The following TBCB variants were observed in gnomAD, a reference collection of about 807,000 sequenced individuals.
TBCB encodes the protein tubulin-folding cofactor B.
In TBCB, 18 loss-of-function variants were observed where a neutral mutation model predicts 29.2. That is an observed-to-expected ratio of 0.62 (90% CI 0.43 to 0.91). The LOEUF (loss-of-function observed/expected upper bound fraction) is 0.91. TBCB is among the 40% of genes least tolerant of loss of function. The probability of loss-of-function intolerance (pLI) is 0.00; values close to 1 mark genes in which losing one functional copy is unlikely to be tolerated. For synonymous variants in TBCB, 172 were observed against 137.8 expected (o/e 1.25, Z -1.74); for missense variants, 336 against 337.6 (o/e 1.00, Z 0.04).
At chr19:36,116,353 G>A (rs1465873647) in intron 2 of TBCB, 169 bp downstream of exon 2, 4 of 910,944 alleles carry the variant, frequency 4.4e-6, no homozygotes, top group Admixed American at 2.9e-5. Flanking sequence ...GGACAGCCTA[G>A]AGTGGTCTGG....
chr19:36,124,635 C>T (rs1974107952), intron 4 of TBCB, among the ~76,000 whole-genome samples: 1 of 152,126 alleles, frequency 6.6e-6, no homozygotes. Context: ...CCTCCGCCTC[C>T]CGGGTTCAAA....
At chr19:36,116,473 A>G (rs1409323290) in intron 2 of TBCB, 2 of 351,700 alleles carry the variant, frequency 5.7e-6, no homozygotes, top group Non-Finnish European at 1.1e-5. Context: ...GAGCTGAGGG[A>G]TGAGGAAAGG....
chr19:36,115,705 CG>C, intron 1 of TBCB, 31 bp downstream of exon 1: 1 of 247,438 alleles, frequency 4.0e-6, no homozygotes, highest in Non-Finnish European at 6.2e-6. Flanking sequence ...TCCGGAGGGG[CG>C]GGGCGAAGAA....
chr19:36,115,943 G>C, intron 1 of TBCB, 98 bp from the exon 2 acceptor site: 1 of 1,525,084 alleles, frequency 6.6e-7, no homozygotes, highest in East Asian at 2.3e-5. Context: ...GTCCTGACTG[G>C]GGGGTCTTTT....
Position 36,121,643 on chromosome 19 carries a change from T to A in TBCB, c.472T>A (p.Ser158Thr), listed in dbSNP as rs1293710186. ...RLAEEKAQASSIPVGSRCEVR... is the reference protein window; with the variant it reads ...RLAEEKAQASTIPVGSRCEVR... ...GGCCGAGGAGAAGGCCCAGGCCAGC[T>A]CCATCCCCGTGGGCAGCCGCTGTGA... The change falls in exon 4 of 6, where the codon TCC (serine) becomes ACC (threonine). Residue 158 changes from serine to threonine, a missense_variant. Coordinates refer to ENST00000221855, the MANE Select transcript of TBCB (RefSeq NM_001281.3). 9 of 1,559,062 alleles carry A rather than the reference T, an allele frequency of 5.8e-6. No individual in the cohort carries two copies. The East Asian group carries it at 1.9e-4, about 33-fold the overall frequency.
At chr19:36,124,668 CG>C (rs1340817701) in intron 4 of TBCB, among the ~76,000 whole-genome samples, 1 of 152,148 alleles carries the variant, frequency 6.6e-6, no homozygotes, top group African/African-American at 2.4e-5. Flanking sequence ...CTCAGCCTCC[CG>C]AGTAGCTGGA....
intron 4 of TBCB, 63 bp downstream of exon 4, chr19:36,121,781 G>A (rs1210657125): frequency 2.6e-6 from 4 of 1,542,810 alleles, no homozygotes; most frequent in African/African-American, 1.4e-5. Flanking sequence ...AAATGTTGGG[G>A]GCACAGTGGA....
chr19:36,115,366 T>G, upstream of TBCB: 2 of 583,966 alleles, frequency 3.4e-6, no homozygotes. Context: ...GGCCCAAGAG[T>G]AAGGAGAGCC....
chr19:36,115,280 G>A, upstream of TBCB: 4 of 537,162 alleles, frequency 7.4e-6, no homozygotes, highest in Non-Finnish European at 9.8e-6. Flanking sequence ...AGTCTTCGCC[G>A]CCTGTTCTGG....
chr19:36,120,598 G>C, intron 2 of TBCB, 112 bp from the exon 3 acceptor site: 1 of 839,804 alleles, frequency 1.2e-6, no homozygotes, highest in Non-Finnish European at 2.0e-6. Flanking sequence ...TGCAGTACAG[G>C]CGAGGGAGGG....
intron 3 of TBCB, among the ~76,000 whole-genome samples, chr19:36,121,210 C>G (rs1311905608): frequency 6.6e-6 from 1 of 151,538 alleles, no homozygotes; most frequent in African/African-American, 2.4e-5. Context: ...TTGGGGGAGA[C>G]CGGGGGCCTC....
At chr19:36,118,450 C>CT (rs976559428) in intron 2 of TBCB, 1 of 152,106 alleles carries the variant, frequency 6.6e-6, no homozygotes, top group Non-Finnish European at 1.5e-5. Flanking sequence ...ATCCCAGTGC[C>CT]TTGGGAGGCT....
rs747030232 is a variant in TBCB at position 36,125,724 on chromosome 19, C to T, written c.677C>T (p.Pro226Leu). Residue 226 changes from proline to leucine, a missense_variant, in exon 6 of 6, where the codon CCA becomes CTA. Physicochemically the swap from Pro to Leu is moderately conservative, Grantham distance 98. Transcript: ENST00000221855. ...CQAKYGAFVK[P>L]AVVTVGDFPE... is the part of the protein sequence containing the mutation. ...GCCAAGTATGGCGCCTTTGTCAAGC[C>T]AGCAGTCGTGACGGTGGGGGACTTC... 6.3e-7 allele frequency: 1 copy of T among 1,579,860 alleles called. No individual in the cohort carries two copies. The highest frequency in any genetic ancestry group is 8.6e-7 in the Non-Finnish European group (1 of 1,162,330).
intron 1 of TBCB, 48 bp downstream of exon 1, chr19:36,115,722 G>T: frequency 2.8e-6 from 4 of 1,443,232 alleles, no homozygotes; most frequent in Non-Finnish European, 3.8e-6. Flanking sequence ...AAGAAATTGG[G>T]GGGTTCCCGG....
chr19:36,121,478 G>T (rs746798283), intron 3 of TBCB, 49 bp from the exon 4 acceptor site: 4 of 1,521,454 alleles, frequency 2.6e-6, no homozygotes, highest in Non-Finnish European at 3.5e-6. Context: ...GCGTCATCCT[G>T]TTAGGCCCGG....
chr19:36,115,886 C>A (rs1397419822), intron 1 of TBCB, 155 bp from the exon 2 acceptor site: 20 of 1,245,406 alleles, frequency 1.6e-5, no homozygotes, highest in Non-Finnish European at 2.1e-5. Flanking sequence ...ATCCGACGGT[C>A]CAGAGGGCGG....
rs2145909443 is a variant in TBCB at position 36,121,694 on chromosome 19, C to T, written c.523C>T (p.Arg175Cys). 2.6e-6 allele frequency: 4 copies of T among 1,553,196 alleles called. No individual in the cohort carries two copies. Among genetic ancestry groups the T allele is most frequent in the Non-Finnish European group, 3.5e-6 (4 of 1,149,716 alleles). ...GGTGCGGGCGGCGGGACAATCCCCT[C>T]GCCGGGGCACCGTCATGTATGTAGG... Reference protein sequence around the residue: ...CEVRAAGQSPRRGTVMYVGLT... With the variant: ...CEVRAAGQSPCRGTVMYVGLT... Residue 175 changes from arginine (R) to cysteine (C), a missense_variant, in exon 4 of 6, where the codon CGC (arginine) becomes TGC (cysteine). Coordinates refer to ENST00000221855, the MANE Select transcript of TBCB (RefSeq NM_001281.3).
rs1317540320 is a variant in TBCB, at chr19:36,116,026, GCCT to G, written c.115-7_115-5del. On this transcript the variant is annotated splice_polypyrimidine_tract_variant and intron_variant, in intron 1 of 5. Transcript: ENST00000221855. ...TCCGTGGCCTCCTTCTTCTCACCCT[GCCT>G]CCTCCTCACAGTGTAAACTGGAGTT... 1.2e-6 allele frequency: 2 copies of G among 1,610,276 alleles called. No homozygotes were observed. The highest frequency in any genetic ancestry group is 1.7e-6 in the Non-Finnish European group (2 of 1,177,006).
At chr19:36,115,702 G>A (rs1973937846) in intron 1 of TBCB, 28 bp downstream of exon 1, 3 of 1,520,080 alleles carry the variant, frequency 2.0e-6, no homozygotes, top group Non-Finnish European at 2.7e-6. Context: ...GGGTCCGGAG[G>A]GGCGGGGCGA....
Sources: allele counts gnomAD v4.1 joint callset (sites outside exome capture counted in the v4.1 genomes callset), GRCh38; gene constraint gnomAD v4.1.1; transcripts MANE v1.5; gene names NCBI Gene and HGNC (gene_info 2026-07-23, HGNC 2026-07-21).